PTPRD: variants seen among roughly 807,000 people sequenced by gnomAD.
PTPRD encodes the protein receptor-type tyrosine-protein phosphatase delta.
PTPRD carries 34 observed loss-of-function variants against 214.5 expected under a neutral mutation model. That is an observed-to-expected ratio of 0.16 (90% CI 0.12 to 0.21). The LOEUF is 0.21. Ranked by LOEUF, PTPRD falls within the 10% of genes least tolerant of loss-of-function variation. The pLI, the probability that PTPRD is intolerant of heterozygous loss-of-function variation, is 1.00. For synonymous variants in PTPRD, 1,128 were observed against 845.7 expected, an observed-to-expected ratio of 1.33 and a Z score of -5.79; for missense variants, 2,545 against 2,398.7, an observed-to-expected ratio of 1.06 and a Z score of -1.27.
In PTPRD at chr9:8,497,221, A is replaced by G. The variant is rs751641423; in HGVS notation, c.2349+21T>C. On this transcript the variant is annotated intron_variant, in intron 26 of 45. Coordinates refer to ENST00000381196, the MANE Select transcript of PTPRD (RefSeq NM_002839.4). Reference sequence around the variant, plus strand: ...AAGCATATATAGTCTGCTTTTGACAAAACAGTCAAAAATTACTCACATGTT... The same window carrying G: ...AAGCATATATAGTCTGCTTTTGACAGAACAGTCAAAAATTACTCACATGTT... The G allele has an allele frequency of 4.4e-6, 7 of 1,582,486 alleles. No homozygotes were observed. The Admixed American group carries it at 1.3e-4, about 29-fold the overall frequency.
intron 5 of PTPRD, among the ~76,000 whole-genome samples, chr9:9,888,440 G>T (rs1045591339): frequency 5.9e-5 from 9 of 152,144 alleles, no homozygotes; most frequent in Non-Finnish European, 1.2e-4. Context: ...CATCTTCAGT[G>T]TTGGAGGTGG....
chr9:10,031,637 T>TACAC lies in PTPRD; in HGVS notation c.-472+2080_-472+2081insGTGT, dbSNP rs1255630031. Among the ~76,000 whole-genome samples the TACAC allele has an allele frequency of 2.2e-3, 168 of 77,390 alleles. 11 individuals are homozygous for TACAC. The highest frequency in any genetic ancestry group is 0.015 in the African/African-American group (154 of 10,138). The allele number at this position is 77,390 out of a possible 152,430, so 50.8% of individuals were successfully genotyped here. ...ACTTAAAAAACTCCATATATATATA[T>TACAC]ATATATATATACACACACACACACA... is the stretch of plus-strand genomic sequence containing the variant. On this transcript the variant is annotated intron_variant, in intron 4 of 45. Coordinates refer to ENST00000381196, the MANE Select transcript of PTPRD (RefSeq NM_002839.4).
intron 14 of PTPRD, among the ~76,000 whole-genome samples, chr9:8,549,834 T>C (rs536005892): frequency 5.9e-5 from 9 of 152,200 alleles, no homozygotes; most frequent in Admixed American, 1.3e-4. Context: ...AAAAGAAAGA[T>C]ACTATTCTTA....
chr9:10,144,191 G>C (rs1328337980), intron 3 of PTPRD, among the ~76,000 whole-genome samples: 4 of 151,970 alleles, frequency 2.6e-5, no homozygotes, highest in Non-Finnish European at 5.9e-5. Context: ...CAATTCTTAA[G>C]AAACTCTTTG....
chr9:10,187,571 C>G (rs145561577), intron 3 of PTPRD, among the ~76,000 whole-genome samples: 2,531 of 152,296 alleles, frequency 0.017, 24 homozygotes, highest in Non-Finnish European at 0.026. Context: ...CAGTGAGTAT[C>G]TGTAAGGTTA....
intron 4 of PTPRD, among the ~76,000 whole-genome samples, chr9:9,980,772 C>G (rs771466467): frequency 6.0e-5 from 9 of 150,764 alleles, no homozygotes; most frequent in Non-Finnish European, 8.9e-5. Flanking sequence ...TCAACAAGGT[C>G]GCAAAAAAGC....
intron 11 of PTPRD, among the ~76,000 whole-genome samples, chr9:9,014,981 A>T (rs1197435809): frequency 1.3e-5 from 2 of 152,142 alleles, no homozygotes; most frequent in African/African-American, 4.8e-5. Flanking sequence ...TGTACATGTG[A>T]GTATATGTGT....
chr9:9,322,507 A>C (rs1030265009), intron 9 of PTPRD, among the ~76,000 whole-genome samples: 6 of 152,140 alleles, frequency 3.9e-5, no homozygotes, highest in African/African-American at 1.4e-4. Flanking sequence ...ATACCATGCT[A>C]CTTCTCATAT....
chr9:8,492,664 G>C (rs912890730), intron 27 of PTPRD, among the ~76,000 whole-genome samples, 198 bp downstream of exon 27: 1 of 147,514 alleles, frequency 6.8e-6, no homozygotes, highest in Non-Finnish European at 1.5e-5. Flanking sequence ...TGAATAGTTT[G>C]GACAAATTAT....
chr9:8,457,505 T>A (rs1453747631), intron 33 of PTPRD, among the ~76,000 whole-genome samples: 1 of 152,058 alleles, frequency 6.6e-6, no homozygotes, highest in African/African-American at 2.4e-5. Flanking sequence ...GATTACTAGA[T>A]TAAAAACAAA....
Position 9,341,388 on chromosome 9 carries a change from G to T in PTPRD, c.-203+56061C>A, listed in dbSNP as rs537911363. Among the ~76,000 whole-genome samples the T allele has an allele frequency of 3.9e-5, 6 of 152,176 alleles. No individual in the cohort carries two copies. In the South Asian group the frequency reaches 1.0e-3, roughly 26 times the overall value. On this transcript the variant is annotated intron_variant, in intron 9 of 45. Transcript: ENST00000381196. ...AACGTGAACTCATTATCCCCCCAGG[G>T]CGCAGGTGTCTGTTAGTACCCCATC...
At chr9:8,423,895 T>C (rs1036141613) in intron 35 of PTPRD, among the ~76,000 whole-genome samples, 4 of 152,300 alleles carry the variant, frequency 2.6e-5, no homozygotes, top group African/African-American at 9.6e-5. Context: ...TAGGTAGTTA[T>C]AGAATCAATC....
intron 5 of PTPRD, among the ~76,000 whole-genome samples, chr9:9,795,399 T>C (rs1339687284): frequency 6.6e-6 from 1 of 152,078 alleles, no homozygotes; most frequent in Non-Finnish European, 1.5e-5. Flanking sequence ...CTGATCACAA[T>C]ATTGAGGGCC....
intron 8 of PTPRD, among the ~76,000 whole-genome samples, chr9:9,495,329 A>G (rs1029443481): frequency 6.6e-6 from 1 of 151,100 alleles, no homozygotes; most frequent in African/African-American, 2.4e-5. Context: ...AAAAAAAGCA[A>G]CAACAACAAC....
At chr9:9,343,469 G>A (rs930262222) in intron 9 of PTPRD, among the ~76,000 whole-genome samples, 3 of 152,120 alleles carry the variant, frequency 2.0e-5, no homozygotes, top group Admixed American at 2.0e-4. Context: ...TTTCTCTAAT[G>A]ACCAGTGATG....
chr9:10,214,957 C>T (rs1043624667), intron 3 of PTPRD, among the ~76,000 whole-genome samples: 3 of 151,926 alleles, frequency 2.0e-5, no homozygotes, highest in African/African-American at 7.2e-5. Context: ...TTTTGGACAT[C>T]TCTGGGGAAA....
intron 11 of PTPRD, among the ~76,000 whole-genome samples, chr9:8,870,497 G>C (rs1315134772): frequency 6.6e-6 from 1 of 152,054 alleles, no homozygotes; most frequent in African/African-American, 2.4e-5. Context: ...CCATCTTGCT[G>C]TTTCTCAAAC....
chr9:8,650,769 G>A (rs1403636017), intron 12 of PTPRD, among the ~76,000 whole-genome samples: 3 of 152,006 alleles, frequency 2.0e-5, no homozygotes, highest in Admixed American at 6.6e-5. Flanking sequence ...CTAACATGTT[G>A]TAGGCATTCA....
chr9:8,441,320 G>A (rs951666413), intron 34 of PTPRD, among the ~76,000 whole-genome samples: 11 of 152,024 alleles, frequency 7.2e-5, no homozygotes, highest in Non-Finnish European at 1.6e-4. Flanking sequence ...ACATTGGGGG[G>A]CTTCTGAAAA....
Sources: gnomAD v4.1 joint callset for allele counts (sites outside exome capture counted in the v4.1 genomes callset) on GRCh38, gnomAD v4.1.1 for gene constraint, MANE v1.5 for transcripts, NCBI Gene and HGNC (gene_info 2026-07-23, HGNC 2026-07-21) for gene names.